The following FCHO2 variants were observed in gnomAD, a reference collection of about 807,000 sequenced individuals.
FCHO2 encodes the protein FCH and mu domain containing endocytic adaptor 2, also known as F-BAR domain only protein 2.
In FCHO2, 43 loss-of-function variants were observed where a neutral mutation model predicts 114.1. The observed-to-expected ratio is 0.38, with a 90% CI of 0.30 to 0.49. The LOEUF (loss-of-function observed/expected upper bound fraction) is 0.49, where lower values mean the gene tolerates loss of function less well. FCHO2 is among the 20% of genes least tolerant of loss of function. The probability of loss-of-function intolerance (pLI) is 0.97; values close to 1 mark genes in which losing one functional copy is unlikely to be tolerated. For synonymous variants in FCHO2, 293 were observed against 315.2 expected (o/e 0.93, Z 0.75); for missense variants, 807 against 950.4 (o/e 0.85, Z 1.98).
At chr5:73,003,519 A>G (rs1344902407) in intron 5 of FCHO2, among the ~76,000 whole-genome samples, 1 of 152,116 alleles carries the variant, frequency 6.6e-6, no homozygotes, top group East Asian at 1.9e-4. Flanking sequence ...CATTATAATT[A>G]GGTATTTTTG....
Position 73,034,675 on chromosome 5 carries a change from A to G in FCHO2, c.815A>G (p.Glu272Gly). 6.3e-7 allele frequency: 1 copy of G among 1,597,156 alleles called. No individual in the cohort carries two copies. Among genetic ancestry groups the G allele is most frequent in the Non-Finnish European group, 8.5e-7 (1 of 1,174,204 alleles). Residue 272 changes from glutamate (E) to glycine (G), a missense_variant, in exon 9 of 26, where the codon GAA (glutamate) becomes GGA (glycine). Coordinates refer to ENST00000430046, the MANE Select transcript of FCHO2 (RefSeq NM_138782.3). ...KERPGLIEFE[E>G]CDTASAVEGI... ...TTTCCAGGCCTCATTGAATTTGAAGAATGTGACACTGCTAGTGCAGTTGAA... is the reference window on the plus strand; with the variant it reads ...TTTCCAGGCCTCATTGAATTTGAAGGATGTGACACTGCTAGTGCAGTTGAA...
In FCHO2 at chr5:73,020,589, C is replaced by G. The variant is rs976372128; in HGVS notation, c.796+3281C>G. 33 of 682,138 alleles carry G rather than the reference C, an allele frequency of 4.8e-5. No individual in the cohort carries two copies. The African/African-American group carries it at 5.7e-4, about 12-fold the overall frequency. 42.3% of individuals were successfully genotyped at this position (682,138 alleles called of 1,614,324 possible). Reference sequence around the variant, plus strand: ...GGGTTGTCGTGCAACAGCAGTAGTACTTTGGGAGAAGGGGAATGATGGGTT... The same window carrying G: ...GGGTTGTCGTGCAACAGCAGTAGTAGTTTGGGAGAAGGGGAATGATGGGTT... On this transcript the variant is annotated intron_variant, in intron 8 of 25. Coordinates refer to ENST00000430046, the MANE Select transcript of FCHO2 (RefSeq NM_138782.3).
At chr5:73,038,460 C>CA (rs375407925) in intron 10 of FCHO2, among the ~76,000 whole-genome samples, 147 of 152,182 alleles carry the variant, frequency 9.7e-4, no homozygotes, top group African/African-American at 3.2e-3. Flanking sequence ...GTCAAAACAA[C>CA]AAAAAAATTT....
chr5:73,051,188 C>T, intron 11 of FCHO2, 161 bp from the exon 12 acceptor site: 1 of 510,244 alleles, frequency 2.0e-6, no homozygotes. Context: ...AGCTAATTAA[C>T]TAAAAAGGTG....
At chr5:73,065,016 A>G (rs1442140957) in intron 18 of FCHO2, among the ~76,000 whole-genome samples, 1 of 151,904 alleles carries the variant, frequency 6.6e-6, no homozygotes, top group African/African-American at 2.4e-5. Context: ...CGTCAGTCTC[A>G]TATCCTCAGT....
intron 2 of FCHO2, among the ~76,000 whole-genome samples, chr5:72,971,714 A>G (rs1034836147): frequency 1.1e-4 from 16 of 152,062 alleles, no homozygotes; most frequent in Non-Finnish European, 2.1e-4. Context: ...AATTAGTCCC[A>G]TTTGTCAATT....
chr5:73,050,279 C>T (rs1357052030), intron 11 of FCHO2, among the ~76,000 whole-genome samples: 1 of 150,972 alleles, frequency 6.6e-6, no homozygotes, highest in Non-Finnish European at 1.5e-5. Context: ...CCCTCCCTCT[C>T]TGTTTAGCTT....
chr5:73,017,421 C>T (rs1297198304), intron 8 of FCHO2, 113 bp downstream of exon 8: 7 of 539,528 alleles, frequency 1.3e-5, no homozygotes, highest in Non-Finnish European at 1.8e-5. Context: ...TATCACATAT[C>T]TGAAGTTAAA....
chr5:73,002,024 G>A (rs751009596), intron 5 of FCHO2, among the ~76,000 whole-genome samples: 1 of 152,032 alleles, frequency 6.6e-6, no homozygotes, highest in African/African-American at 2.4e-5. Context: ...ATATCAGAGG[G>A]TACGCTTCAT....
intron 8 of FCHO2, among the ~76,000 whole-genome samples, chr5:73,018,271 ACTTT>A (rs1755414389): frequency 6.6e-6 from 1 of 152,070 alleles, no homozygotes; most frequent in Non-Finnish European, 1.5e-5. Flanking sequence ...TTCCCTTCAG[ACTTT>A]CTTTTCATGT....
intron 11 of FCHO2, among the ~76,000 whole-genome samples, chr5:73,048,899 C>T (rs372526305): frequency 4.8e-4 from 55 of 114,912 alleles, no homozygotes; most frequent in African/African-American, 1.7e-3. Flanking sequence ...TTTTTTGAGA[C>T]GGAGTCTCGC....
chr5:73,067,744 A>T (rs1341985450), intron 18 of FCHO2, among the ~76,000 whole-genome samples: 3 of 151,866 alleles, frequency 2.0e-5, no homozygotes, highest in Non-Finnish European at 2.9e-5. Flanking sequence ...TATTTGCCTA[A>T]TACTTTTATA....
At chr5:72,976,782 C>A (rs1179562218) in intron 2 of FCHO2, among the ~76,000 whole-genome samples, 1 of 141,856 alleles carries the variant, frequency 7.0e-6, no homozygotes, top group African/African-American at 2.6e-5. Flanking sequence ...AGCCCCCCAG[C>A]CCCCAACCCC....
chr5:73,019,791 T>G (rs565906895), intron 8 of FCHO2, among the ~76,000 whole-genome samples: 6 of 152,288 alleles, frequency 3.9e-5, no homozygotes, highest in Admixed American at 1.3e-4. Context: ...GAGCAGTCAT[T>G]CTGGTGGTAA....
At chr5:73,018,972 A>G (rs1755463307) in intron 8 of FCHO2, among the ~76,000 whole-genome samples, 1 of 152,216 alleles carries the variant, frequency 6.6e-6, no homozygotes. Flanking sequence ...ATAGACTCAT[A>G]GGGACATACA....
chr5:73,068,558 T>A, intron 18 of FCHO2, 92 bp from the exon 19 acceptor site: 1 of 1,386,282 alleles, frequency 7.2e-7, no homozygotes, highest in Non-Finnish European at 9.8e-7. Flanking sequence ...TAAATTTGGT[T>A]TGGTATGTTA....
intron 6 of FCHO2, among the ~76,000 whole-genome samples, chr5:73,012,577 C>T (rs1461603991): frequency 1.3e-5 from 2 of 149,948 alleles, no homozygotes; most frequent in African/African-American, 5.0e-5. Flanking sequence ...CGAGATCACG[C>T]CACTGCACTC....
intron 8 of FCHO2, among the ~76,000 whole-genome samples, chr5:73,033,859 G>C (rs1050963441): frequency 1.3e-4 from 20 of 152,158 alleles, no homozygotes; most frequent in African/African-American, 4.8e-4. Context: ...ATTAAGGCTA[G>C]TCTGAGCAGT....
At position 73,089,672 on chromosome 5, in the gene FCHO2, T is replaced by TA. The variant is rs1331033905; in HGVS notation, c.*1583dup. 6.6e-6 allele frequency: 1 copy of TA among 152,634 alleles called. No individual in the cohort carries two copies. The highest frequency in any genetic ancestry group is 2.1e-4 in the South Asian group (1 of 4,824). 9.5% of individuals were successfully genotyped at this position (152,634 alleles called of 1,614,324 possible). A position where few individuals can be genotyped will look rare whatever the true frequency, so the allele number is the denominator to read the frequency against. Reference sequence around the variant, plus strand: ...GCCTAGTAGAAGTGATAAATTGTGTTATATATGATAATTTATATAAAACCA... The same window carrying TA: ...GCCTAGTAGAAGTGATAAATTGTGTTAATATATGATAATTTATATAAAACCA... On this transcript the variant is annotated 3_prime_UTR_variant, in exon 26 of 26. Coordinates refer to ENST00000430046, the MANE Select transcript of FCHO2 (RefSeq NM_138782.3).
Sources: allele counts gnomAD v4.1 joint callset (sites outside exome capture counted in the v4.1 genomes callset), GRCh38; gene constraint gnomAD v4.1.1; transcripts MANE v1.5; gene names NCBI Gene and HGNC (gene_info 2026-07-23, HGNC 2026-07-21).